The following VPS13B variants were observed in gnomAD, a reference collection of about 807,000 sequenced individuals.
VPS13B encodes the protein intermembrane lipid transfer protein VPS13B.
A neutral mutation model predicts 426.4 loss-of-function variants in VPS13B; 285 were observed. The ratio of observed to expected loss-of-function variants is 0.67; its 90% CI spans 0.61 to 0.74. The LOEUF is 0.74. Ranked by LOEUF, VPS13B falls within the 30% of genes least tolerant of loss-of-function variation. The pLI is 0.00. For synonymous variants in VPS13B, 1,676 were observed against 1,676.4 expected, an observed-to-expected ratio of 1.00 and a Z score of 0.01; for missense variants, 4,537 against 4,782.6, an observed-to-expected ratio of 0.95 and a Z score of 1.51.
chr8:99,026,039 T>G (rs1401853358), intron 2 of VPS13B, among the ~76,000 whole-genome samples: 4 of 152,172 alleles, frequency 2.6e-5, no homozygotes, highest in Non-Finnish European at 5.9e-5. Flanking sequence ...TTCCTTCTAC[T>G]AATTTTGTGT....
rs898391321 is a variant in VPS13B, at chr8:99,416,464, T to C, written c.3083-15073T>C. Reference sequence around the variant, plus strand: ...TGGCATTCCAGACACCACTGGCATATGAAAAAAAAACTCCTGCAGCTAGCT... The same window carrying C: ...TGGCATTCCAGACACCACTGGCATACGAAAAAAAAACTCCTGCAGCTAGCT... On this transcript the variant is annotated intron_variant, in intron 21 of 61. Coordinates refer to ENST00000357162, the MANE Select transcript of VPS13B (RefSeq NM_152564.5). Among the ~76,000 whole-genome samples the C allele has an allele frequency of 4.6e-5, 7 of 151,724 alleles. No individual in the cohort carries two copies. The South Asian group carries it at 1.5e-3, about 32-fold the overall frequency.
chr8:99,640,141 C>T (rs1184631621), intron 33 of VPS13B, among the ~76,000 whole-genome samples: 2 of 151,780 alleles, frequency 1.3e-5, no homozygotes, highest in African/African-American at 4.8e-5. Flanking sequence ...TTACCCAGTA[C>T]TTTGGGAGAC....
At chr8:99,782,487 G>A (rs1467752405) in intron 42 of VPS13B, among the ~76,000 whole-genome samples, 1 of 151,926 alleles carries the variant, frequency 6.6e-6, no homozygotes, top group East Asian at 1.9e-4. Context: ...CCTTGACCTT[G>A]GGAGGATCTC....
chr8:99,230,098 T>C (rs761504871), intron 17 of VPS13B, among the ~76,000 whole-genome samples: 1 of 152,232 alleles, frequency 6.6e-6, no homozygotes, highest in African/African-American at 2.4e-5. Flanking sequence ...TGCTTTTAAG[T>C]AACTATTACT....
At position 99,868,341 on chromosome 8, in the gene VPS13B, T is replaced by C. The variant is rs1817208622; in HGVS notation, c.11268T>C (p.Ser3756=). The C allele has an allele frequency of 6.2e-7, 1 of 1,614,168 alleles. No homozygotes were observed. The highest frequency in any genetic ancestry group is 8.5e-7 in the Non-Finnish European group (1 of 1,180,036). ...CGATGCAGAACTTCCAGAAAACATC[T>C]GAGGCACAGGCTTCAGCAGGACACA... The part of the protein sequence containing the change: ...DQPMQNFQKT[S]EAQASAGHKA... The change falls in exon 59 of 62, where the codon TCT becomes TCC. Residue 3756 remains serine (S), a synonymous_variant. Transcript: ENST00000357162.
intron 30 of VPS13B, chr8:99,536,740 C>G (rs767226332): frequency 2.4e-5 from 13 of 533,550 alleles, no homozygotes; most frequent in South Asian, 1.8e-4. Context: ...TGGCATTAAA[C>G]GTATTCCCAG....
chr8:99,159,289 T>C (rs1286304561), intron 15 of VPS13B, among the ~76,000 whole-genome samples: 1 of 152,234 alleles, frequency 6.6e-6, no homozygotes, highest in African/African-American at 2.4e-5. Flanking sequence ...TGGCAATTAC[T>C]CCTGGGGAAG....
chr8:99,026,987 C>T (rs1269603414), intron 2 of VPS13B, among the ~76,000 whole-genome samples: 1 of 152,154 alleles, frequency 6.6e-6, no homozygotes, highest in African/African-American at 2.4e-5. Context: ...AGTGATTCTC[C>T]CGCCTCAGCC....
chr8:99,860,264 G>T (rs1430579219), intron 57 of VPS13B, among the ~76,000 whole-genome samples: 1 of 152,184 alleles, frequency 6.6e-6, no homozygotes, highest in East Asian at 1.9e-4. Flanking sequence ...CATAGAGCGG[G>T]TGAGGGACTG....
At chr8:99,066,922 T>G (rs1272166274) in intron 3 of VPS13B, among the ~76,000 whole-genome samples, 5 of 152,070 alleles carry the variant, frequency 3.3e-5, no homozygotes, top group African/African-American at 1.2e-4. Context: ...TCAGAGAAAT[T>G]CAAATGAAAA....
chr8:99,233,274 A>G (rs572929960), intron 17 of VPS13B: 2 of 1,165,660 alleles, frequency 1.7e-6, no homozygotes, highest in Non-Finnish European at 2.6e-6. Flanking sequence ...CACCTTTGCC[A>G]ATCACCCGGC....
In VPS13B at chr8:99,869,766, G is replaced by A. The variant is rs538371840; in HGVS notation, c.11393-1019G>A. Among the ~76,000 whole-genome samples the A allele has an allele frequency of 1.2e-4, 18 of 152,324 alleles. No homozygotes were observed. The South Asian group carries it at 1.9e-3, about 16-fold the overall frequency. On this transcript the variant is annotated intron_variant, in intron 59 of 61. Coordinates refer to ENST00000357162, the MANE Select transcript of VPS13B (RefSeq NM_152564.5). ...TCTTAGAGCAGAGCTTCACATGGCC[G>A]TTTTGGTTTCCATCACTCTTGTAAA...
At chr8:99,719,647 T>A (rs927156170) in intron 37 of VPS13B, among the ~76,000 whole-genome samples, 12 of 152,370 alleles carry the variant, frequency 7.9e-5, no homozygotes, top group African/African-American at 2.9e-4. Context: ...ATCTTCATTA[T>A]AACCTACTGG....
intron 23 of VPS13B, among the ~76,000 whole-genome samples, chr8:99,443,020 G>A (rs537868802): frequency 6.6e-6 from 1 of 152,036 alleles, no homozygotes; most frequent in Non-Finnish European, 1.5e-5. Flanking sequence ...ATAATTGCGT[G>A]AATATATTAT....
At chr8:99,311,131 C>T (rs913653698) in intron 19 of VPS13B, among the ~76,000 whole-genome samples, 2 of 152,026 alleles carry the variant, frequency 1.3e-5, no homozygotes, top group African/African-American at 2.4e-5. Flanking sequence ...GTCCTGGATT[C>T]GTTGATTTTT....
intron 19 of VPS13B, among the ~76,000 whole-genome samples, chr8:99,300,573 A>G (rs1443090580): frequency 1.3e-5 from 2 of 152,190 alleles, no homozygotes; most frequent in East Asian, 1.9e-4. Flanking sequence ...CTAAGAGTAC[A>G]GGTTTCCACG....
chr8:99,730,842 G>A (rs1833570736), intron 39 of VPS13B, among the ~76,000 whole-genome samples: 1 of 151,964 alleles, frequency 6.6e-6, no homozygotes, highest in Non-Finnish European at 1.5e-5. Context: ...GGAGGGACAA[G>A]TACATAAAAC....
chr8:99,597,842 C>T (rs907319247), intron 33 of VPS13B, among the ~76,000 whole-genome samples: 1 of 151,980 alleles, frequency 6.6e-6, no homozygotes, highest in African/African-American at 2.4e-5. Context: ...GATGTTCTTA[C>T]AGTATTCTAA....
chr8:99,859,931 T>A (rs1816750506), intron 57 of VPS13B, among the ~76,000 whole-genome samples: 1 of 152,178 alleles, frequency 6.6e-6, no homozygotes, highest in Admixed American at 6.5e-5. Context: ...AGCCAACTTT[T>A]CTCTAGCACG....
Sources: gnomAD v4.1 joint callset for allele counts (sites outside exome capture counted in the v4.1 genomes callset) on GRCh38, gnomAD v4.1.1 for gene constraint, MANE v1.5 for transcripts, NCBI Gene and HGNC (gene_info 2026-07-23, HGNC 2026-07-21) for gene names.